HHAT: variants seen among roughly 807,000 people sequenced by gnomAD.
The protein encoded by HHAT is hedgehog acyltransferase.
In HHAT, 47 loss-of-function variants were observed where a neutral mutation model predicts 70.8. The ratio of observed to expected loss-of-function variants is 0.66; its 90% CI spans 0.53 to 0.85. HHAT has a LOEUF of 0.85. Among genes scored for constraint, HHAT ranks in the 40% least tolerant of loss-of-function variants. The pLI is 0.00. For missense variants in HHAT, 609 were observed against 604.8 expected, an observed-to-expected ratio of 1.01 and a Z score of -0.07; for synonymous variants, 228 against 247.6, an observed-to-expected ratio of 0.92 and a Z score of 0.74.
chr1:210,366,571 G>A (rs1385789469), intron 3 of HHAT, among the ~76,000 whole-genome samples: 4 of 152,280 alleles, frequency 2.6e-5, no homozygotes, highest in East Asian at 1.9e-4. Context: ...AGCAGAGATC[G>A]TGCCACTGCA....
intron 3 of HHAT, among the ~76,000 whole-genome samples, chr1:210,366,610 G>C (rs910431063): frequency 1.3e-5 from 2 of 152,186 alleles, no homozygotes; most frequent in Non-Finnish European, 2.9e-5. Flanking sequence ...GTGTCAGAGT[G>C]AGACCTTGTC....
At chr1:210,554,623 T>C (rs1219186601) in intron 9 of HHAT, among the ~76,000 whole-genome samples, 4 of 152,160 alleles carry the variant, frequency 2.6e-5, no homozygotes, top group Non-Finnish European at 4.4e-5. Context: ...AGGTTTCAGC[T>C]TAAGCCCGTA....
intron 7 of HHAT, among the ~76,000 whole-genome samples, chr1:210,445,223 ATCTC>A (rs2093611517): frequency 6.6e-6 from 1 of 152,200 alleles, no homozygotes; most frequent in African/African-American, 2.4e-5. Context: ...TTGTGCTAGT[ATCTC>A]TCCCTAGCCC....
chr1:210,391,669 A>G (rs1174967291), intron 4 of HHAT, among the ~76,000 whole-genome samples: 1 of 152,222 alleles, frequency 6.6e-6, no homozygotes, highest in African/African-American at 2.4e-5. Flanking sequence ...AATCAAACAA[A>G]TGCATCTTAA....
chr1:210,388,416 TG>T (rs777543170), intron 4 of HHAT, among the ~76,000 whole-genome samples: 10 of 152,216 alleles, frequency 6.6e-5, no homozygotes, highest in Non-Finnish European at 1.5e-4. Flanking sequence ...TAGGATGTCC[TG>T]TGGTTAGAGA....
At chr1:210,343,005 C>T (rs1429448049) in intron 1 of HHAT, among the ~76,000 whole-genome samples, 6 of 152,070 alleles carry the variant, frequency 3.9e-5, no homozygotes, top group Non-Finnish European at 7.4e-5. Context: ...GAATGAGGGT[C>T]GTGATCAACT....
intron 9 of HHAT, among the ~76,000 whole-genome samples, chr1:210,558,523 G>A (rs1186091097): frequency 6.6e-6 from 1 of 152,194 alleles, no homozygotes; most frequent in Non-Finnish European, 1.5e-5. Flanking sequence ...AATGATTGTA[G>A]AGGGAGCATA....
intron 9 of HHAT, among the ~76,000 whole-genome samples, chr1:210,548,073 C>G (rs553153522): frequency 2.6e-5 from 4 of 152,200 alleles, no homozygotes; most frequent in Non-Finnish European, 5.9e-5. Flanking sequence ...ATTTCATACC[C>G]GACTATAGTC....
intron 10 of HHAT, among the ~76,000 whole-genome samples, chr1:210,607,172 T>G (rs4245753): frequency 0.84 from 127,645 of 151,942 alleles, 55,401 homozygotes; most frequent in East Asian, 0.99. Flanking sequence ...GGCCTTATGG[T>G]TATTTGGTGT....
intron 2 of HHAT, among the ~76,000 whole-genome samples, chr1:210,360,970 G>T (rs1335440930): frequency 6.6e-6 from 1 of 150,940 alleles, no homozygotes; most frequent in Non-Finnish European, 1.5e-5. Flanking sequence ...TGTCTGCTAT[G>T]GGGTTCCTTT....
intron 10 of HHAT, among the ~76,000 whole-genome samples, chr1:210,604,166 A>G (rs1342834659): frequency 6.6e-6 from 1 of 151,350 alleles, no homozygotes; most frequent in South Asian, 2.1e-4. Context: ...TGCAACCTCC[A>G]CCTCCCAGGT....
intron 7 of HHAT, among the ~76,000 whole-genome samples, chr1:210,462,101 T>C (rs926479757): frequency 6.6e-6 from 1 of 152,234 alleles, no homozygotes; most frequent in African/African-American, 2.4e-5. Context: ...TTATATGCCT[T>C]GAATCTGACA....
chr1:210,393,218 A>G (rs1204264529), intron 4 of HHAT, among the ~76,000 whole-genome samples: 2 of 152,200 alleles, frequency 1.3e-5, no homozygotes, highest in African/African-American at 2.4e-5. Context: ...AGGACAGCCC[A>G]ATAGATGGTG....
chr1:210,374,139 T>C (rs948722864), intron 3 of HHAT: 3 of 152,238 alleles, frequency 2.0e-5, no homozygotes, highest in Non-Finnish European at 4.4e-5. Context: ...TAAGTCTTTT[T>C]TTATAAAACA....
Position 210,513,169 on chromosome 1 carries a change from C to A in HHAT, c.1024C>A (p.Leu342Met). 1 of 1,529,818 alleles carries A rather than the reference C, an allele frequency of 6.5e-7. No homozygotes were observed. Among genetic ancestry groups the A allele is most frequent in the Non-Finnish European group, 9.0e-7 (1 of 1,107,900 alleles). The allele number at this position is 1,529,818 out of a possible 1,614,324, so 94.8% of individuals were successfully genotyped here. ...TGMWRYFDVG[L>M]HNFLIRYVYI... ...TTTGAACAGGTATTTTGATGTTGGA[C>A]TGCATAATTTCTTAATCAGGTAAGC... The change falls in exon 9 of 12, where the codon CTG becomes ATG. Residue 342 changes from leucine to methionine, a missense_variant. Coordinates refer to ENST00000261458, the MANE Select transcript of HHAT (RefSeq NM_018194.6).
intron 7 of HHAT, among the ~76,000 whole-genome samples, chr1:210,445,301 T>C (rs1258542804): frequency 6.6e-6 from 1 of 152,236 alleles, no homozygotes; most frequent in Non-Finnish European, 1.5e-5. Flanking sequence ...TTGCAAGCCC[T>C]ATGTTCTTTA....
rs191771856 is a variant in HHAT, at chr1:210,597,576, T to G, written c.1245+9477T>G. ...GTCCCTGCCACTCTTCCTTCTCCTT[T>G]CCACAAGCAGAGGAGTCTTCTCCCT... On this transcript the variant is annotated intron_variant, in intron 10 of 11. Transcript: ENST00000261458. Among the ~76,000 whole-genome samples the G allele has an allele frequency of 6.2e-4, 95 of 152,118 alleles. 1 individual carries two copies. The East Asian group carries it at 0.017, about 27-fold the overall frequency.
chr1:210,660,297 G>A (rs149249119), intron 11 of HHAT, among the ~76,000 whole-genome samples: 2,931 of 152,220 alleles, frequency 0.019, 53 homozygotes, highest in Middle Eastern at 0.031. Flanking sequence ...GAAATCATGA[G>A]TGAACTCCCA....
intron 7 of HHAT, among the ~76,000 whole-genome samples, chr1:210,461,881 G>A (rs2093986461): frequency 6.6e-6 from 1 of 152,070 alleles, no homozygotes; most frequent in Non-Finnish European, 1.5e-5. Flanking sequence ...ATGACTTCTT[G>A]TGCTTTCCAT....
Sources: gnomAD v4.1 joint callset for allele counts (sites outside exome capture counted in the v4.1 genomes callset) on GRCh38, gnomAD v4.1.1 for gene constraint, MANE v1.5 for transcripts, NCBI Gene and HGNC (gene_info 2026-07-23, HGNC 2026-07-21) for gene names.